The following C2orf81 variants were observed in gnomAD, a reference collection of about 807,000 sequenced individuals.
C2orf81 encodes chromosome 2 open reading frame 81, also known as uncharacterized protein C2orf81.
Under a neutral mutation model 7.9 loss-of-function variants are expected in C2orf81, and 5 were observed. The ratio of observed to expected loss-of-function variants is 0.63; its 90% CI spans 0.33 to 1.33. C2orf81 has a LOEUF of 1.33. Among genes scored for constraint, C2orf81 ranks in the 40% most tolerant of loss-of-function variants. The pLI is 0.05. For missense variants in C2orf81, 781 were observed against 830.4 expected, an observed-to-expected ratio of 0.94 and a Z score of 0.73; for synonymous variants, 346 against 367.4, an observed-to-expected ratio of 0.94 and a Z score of 0.66.
Position 74,414,718 on chromosome 2 carries a change from G to GGT in C2orf81, c.1458_1459insAC (p.Pro487ThrfsTer71). Reference sequence around the variant, plus strand: ...GGGCTGCGGCTGCGGGCCACATCAGGGAGCACCGGGTGTGTGGTGAGGAAG... The same window carrying GGT: ...GGGCTGCGGCTGCGGGCCACATCAGGGTGAGCACCGGGTGTGTGGTGAGGAAG... On this transcript the variant is annotated frameshift_variant, in exon 3 of 3. Coordinates refer to ENST00000684111, the MANE Select transcript of C2orf81 (RefSeq NM_001316764.3). LOFTEE classifies it low-confidence loss of function (END_TRUNC). This position sits in a 1 kb window ranked among gnomAD's most constrained non-coding sequence, Gnocchi z 5.3. 6.5e-7 allele frequency: 1 copy of GGT among 1,546,712 alleles called. No homozygotes were observed. Among genetic ancestry groups the GGT allele is most frequent in the Non-Finnish European group, 8.7e-7 (1 of 1,143,710 alleles).
chr2:74,416,238 G>T lies in C2orf81; in HGVS notation c.22C>A (p.Gln8Lys). Residue 8 changes from glutamine (Q) to lysine (K), a missense_variant, in exon 2 of 3, where the codon CAG becomes AAG. Physicochemically the swap from Gln to Lys is moderately conservative, Grantham distance 53. Coordinates refer to ENST00000684111, the MANE Select transcript of C2orf81 (RefSeq NM_001316764.3). MAHEGSR[Q>K]ERQVRDRGVT... is the part of the protein sequence containing the mutation. ...CCGCGGTCTCGGACCTGCCTCTCCT[G>T]CCTCTGTGAGAACAAAACATGGCAA... is the stretch of plus-strand genomic sequence containing the variant. The T allele has an allele frequency of 7.3e-7, 1 of 1,363,494 alleles. No homozygotes were observed. 84.5% of individuals were successfully genotyped at this position (1,363,494 alleles called of 1,614,324 possible). A position where few individuals can be genotyped will look rare whatever the true frequency, so the allele number is the denominator to read the frequency against.
chr2:74,415,517 G>T lies in C2orf81; in HGVS notation c.660C>A (p.Val220=). 1 of 1,545,512 alleles carries T rather than the reference G, an allele frequency of 6.5e-7. No individual in the cohort carries two copies. The highest frequency in any genetic ancestry group is 1.2e-5 in the South Asian group (1 of 83,982). The change falls in exon 3 of 3, where the codon GTC becomes GTA. Residue 220 remains valine (V), a synonymous_variant. Coordinates refer to ENST00000684111, the MANE Select transcript of C2orf81 (RefSeq NM_001316764.3). This position sits in a 1 kb window ranked among gnomAD's most constrained non-coding sequence, Gnocchi z 5.5. ...CTGATGTGGGAGGAGGGGCCGACGT[G>T]ACTCTCAGCTGCGGAGAAGGCTCCC... The part of the protein sequence containing the change: ...ESWEPSPQLR[V]TSAPPPTSEL...
Position 74,414,372 on chromosome 2 carries a change from A to G in C2orf81, c.1805T>C (p.Val602Ala), listed in dbSNP as rs1266238725. The part of the protein sequence containing the change: ...EDKEGSTFPP[V>A]EQHPIQTGAP... ...ACCTGTCTGGATGGGATGTTGCTCA[A>G]CGGGAGGAAAGGTGCTACCTTCTTT... Residue 602 changes from valine (V) to alanine (A), a missense_variant, in exon 3 of 3, where the codon GTT becomes GCT. Val to Ala is a moderately conservative substitution (Grantham distance 64). Transcript: ENST00000684111. The surrounding 1 kb of genome is among the most constrained non-coding windows in gnomAD (Gnocchi z 5.3). 1 of 1,517,406 alleles carries G rather than the reference A, an allele frequency of 6.6e-7. No individual in the cohort carries two copies. The allele number at this position is 1,517,406 out of a possible 1,614,324, so 94.0% of individuals were successfully genotyped here. A position where few individuals can be genotyped will look rare whatever the true frequency, so the allele number is the denominator to read the frequency against.
rs773631384 is a variant in C2orf81 at position 74,415,607 on chromosome 2, G to GC, written c.569dup (p.Val191ArgfsTer58). 2 of 1,550,944 alleles carry GC rather than the reference G, an allele frequency of 1.3e-6. No individual in the cohort carries two copies. Among genetic ancestry groups the GC allele is most frequent in the South Asian group, 2.4e-5 (2 of 84,064 alleles). ...ACCTTCCTAAAGGGATCCGGTCCAC[G>GC]CCCCCAGGGTCCTGGGGAAATGCAC... On this transcript the variant is annotated frameshift_variant, in exon 3 of 3. Coordinates refer to ENST00000684111, the MANE Select transcript of C2orf81 (RefSeq NM_001316764.3). LOFTEE classifies it low-confidence loss of function (END_TRUNC). This position sits in a 1 kb window ranked among gnomAD's most constrained non-coding sequence, Gnocchi z 5.5.
intron 1 of C2orf81, chr2:74,418,523 G>T: frequency 6.6e-6 from 6 of 906,926 alleles, no homozygotes; most frequent in Middle Eastern, 2.1e-4. Context: ...GCATGCTCCG[G>T]TTTGCCGGGA....
Position 74,415,669 on chromosome 2 carries a change from C to G in C2orf81, c.508G>C (p.Ala170Pro), listed in dbSNP as rs751050317. 5.8e-6 allele frequency: 9 copies of G among 1,551,240 alleles called. No homozygotes were observed. In the African/African-American group the frequency reaches 1.2e-4, roughly 21 times the overall value. The stretch of plus-strand genomic sequence containing the variant: ...GATGTCGGAAAGGGGAGAGCAGGAG[C>G]AATGGCAGAGGAGTCCGGAGAGGCT... Reference protein sequence around the residue: ...SGASPDSSAIAPALPFPTSHC... With the variant: ...SGASPDSSAIPPALPFPTSHC... Residue 170 changes from alanine (A) to proline (P), a missense_variant, in exon 3 of 3, where the codon GCT (alanine) becomes CCT (proline). Coordinates refer to ENST00000684111, the MANE Select transcript of C2orf81 (RefSeq NM_001316764.3). The surrounding 1 kb of genome is among the most constrained non-coding windows in gnomAD (Gnocchi z 5.5).
At chr2:74,417,278 C>A in intron 1 of C2orf81, 2 of 859,216 alleles carry the variant, frequency 2.3e-6, no homozygotes, top group South Asian at 3.1e-5. Flanking sequence ...TTATTGGTGC[C>A]CCATCTGAGG....
chr2:74,414,662 G>T lies in C2orf81; in HGVS notation c.1515C>A (p.Ser505Arg), dbSNP rs978630025. The change falls in exon 3 of 3, where the codon AGC becomes AGA. Residue 505 changes from serine to arginine, a missense_variant. Coordinates refer to ENST00000684111, the MANE Select transcript of C2orf81 (RefSeq NM_001316764.3). The surrounding 1 kb of genome is among the most constrained non-coding windows in gnomAD (Gnocchi z 5.3). ...GCAGCTCGGCCTTCCCCTCCCAACC[G>T]CTGGGCCACCTGACACTGGGCCACA... is the stretch of plus-strand genomic sequence containing the variant. ...PKLWPSVRWP[S>R]GWEGKAELLG... is the part of the protein sequence containing the mutation. 4 of 1,548,516 alleles carry T rather than the reference G, an allele frequency of 2.6e-6. No individual in the cohort carries two copies. Among genetic ancestry groups the T allele is most frequent in the Admixed American group, 3.9e-5 (2 of 50,840 alleles).
chr2:74,414,965 G>T lies in C2orf81; in HGVS notation c.1212C>A (p.Ala404=), dbSNP rs1283979380. ...TCTCGCCCCGCTGGCGTCCGCGGTAGGCTTCCAAGGGGCGTGTTTGAGAGT... is the reference window on the plus strand; with the variant it reads ...TCTCGCCCCGCTGGCGTCCGCGGTATGCTTCCAAGGGGCGTGTTTGAGAGT... The part of the protein sequence containing the change: ...VPDSQTRPLE[A]YRGRQRGEKT... Residue 404 remains alanine (A), a synonymous_variant, in exon 3 of 3, where the codon GCC becomes GCA. Transcript: ENST00000684111. The surrounding 1 kb of genome is among the most constrained non-coding windows in gnomAD (Gnocchi z 5.3). The T allele has an allele frequency of 1.3e-6, 2 of 1,548,130 alleles. No individual in the cohort carries two copies. The highest frequency in any genetic ancestry group is 1.7e-6 in the Non-Finnish European group (2 of 1,145,802).
Position 74,415,369 on chromosome 2 carries a change from C to T in C2orf81, c.808G>A (p.Asp270Asn). 9.2e-6 allele frequency: 14 copies of T among 1,516,592 alleles called. No individual in the cohort carries two copies. The highest frequency in any genetic ancestry group is 1.2e-5 in the South Asian group (1 of 80,532). 93.9% of individuals were successfully genotyped at this position (1,516,592 alleles called of 1,614,324 possible). Residue 270 changes from aspartate to asparagine, a missense_variant, in exon 3 of 3, where the codon GAC (aspartate) becomes AAC (asparagine). Transcript: ENST00000684111. This position sits in a 1 kb window ranked among gnomAD's most constrained non-coding sequence, Gnocchi z 5.5. ...GGATCCAGAGAAGGGTCGGCATCGT[C>T]GGCAGGCGCCTCCTCCACCGACAGT... is the stretch of plus-strand genomic sequence containing the variant. Reference protein sequence around the residue: ...FQLSVEEAPADDADPSLDPYL... With the variant: ...FQLSVEEAPANDADPSLDPYL...
In C2orf81 at chr2:74,415,414, A is replaced by T. The variant is rs1447897995; in HGVS notation, c.763T>A (p.Ser255Thr). The change falls in exon 3 of 3, where the codon TCC becomes ACC. Residue 255 changes from serine to threonine, a missense_variant. Transcript: ENST00000684111. This position sits in a 1 kb window ranked among gnomAD's most constrained non-coding sequence, Gnocchi z 5.5. ...GQSRGLSSAG[S>T]LSASFQLSVE... ...GACAGTTGGAAGCTCGCGCTCAAGG[A>T]CCCGGCCGAGGAGAGGCCTCTAGAC... The T allele has an allele frequency of 1.3e-6, 2 of 1,529,432 alleles. No homozygotes were observed. Among genetic ancestry groups the T allele is most frequent in the African/African-American group, 2.8e-5 (2 of 72,388 alleles). The allele number at this position is 1,529,432 out of a possible 1,614,324, so 94.7% of individuals were successfully genotyped here.
chr2:74,415,599 C>T lies in C2orf81; in HGVS notation c.578G>A (p.Arg193Gln), dbSNP rs550157849. Residue 193 changes from arginine to glutamine, a missense_variant, in exon 3 of 3, where the codon CGG becomes CAG. Transcript: ENST00000684111. This position sits in a 1 kb window ranked among gnomAD's most constrained non-coding sequence, Gnocchi z 5.5. Reference sequence around the variant, plus strand: ...CATCCACGACCTTCCTAAAGGGATCCGGTCCACGCCCCCAGGGTCCTGGGG... The same window carrying T: ...CATCCACGACCTTCCTAAAGGGATCTGGTCCACGCCCCCAGGGTCCTGGGG... ...AFPQDPGGVD[R>Q]IPLGRSWMGR... 1.9e-6 allele frequency: 3 copies of T among 1,551,204 alleles called. No homozygotes were observed. Among genetic ancestry groups the T allele is most frequent in the Admixed American group, 2.0e-5 (1 of 51,016 alleles).
chr2:74,414,219 G>A lies in C2orf81; in HGVS notation c.*110C>T, dbSNP rs1201192004. The A allele has an allele frequency of 8.9e-7, 1 of 1,119,994 alleles. No homozygotes were observed. Among genetic ancestry groups the A allele is most frequent in the East Asian group, 2.8e-5 (1 of 35,472 alleles). 69.4% of individuals were successfully genotyped at this position (1,119,994 alleles called of 1,614,324 possible). A position where few individuals can be genotyped will look rare whatever the true frequency, so the allele number is the denominator to read the frequency against. On this transcript the variant is annotated 3_prime_UTR_variant, in exon 3 of 3. Transcript: ENST00000684111. The surrounding 1 kb of genome is among the most constrained non-coding windows in gnomAD (Gnocchi z 5.3). ...CAGGTGTTTATTTCTGGCTAGCAGA[G>A]GGAGGGACCAGTTACTACTGCCAGA...
intron 1 of C2orf81, chr2:74,418,063 TG>T (rs1335230558): frequency 4.2e-5 from 15 of 358,502 alleles, no homozygotes; most frequent in East Asian, 3.0e-4. Context: ...AGGGAAGGGG[TG>T]GGGGGTGGGA....
In C2orf81 at chr2:74,415,251, T is replaced by C; in HGVS notation, c.926A>G (p.Gln309Arg). 1 of 1,551,292 alleles carries C rather than the reference T, an allele frequency of 6.4e-7. No homozygotes were observed. Among genetic ancestry groups the C allele is most frequent in the South Asian group, 1.2e-5 (1 of 84,066 alleles). The change falls in exon 3 of 3, where the codon CAA becomes CGA. Residue 309 changes from glutamine to arginine, a missense_variant. Physicochemically the swap from Gln to Arg is conservative, Grantham distance 43. Transcript: ENST00000684111. This position sits in a 1 kb window ranked among gnomAD's most constrained non-coding sequence, Gnocchi z 5.5. Reference protein sequence around the residue: ...SLEDLYCCMPQLDAAGDRLEL... With the variant: ...SLEDLYCCMPRLDAAGDRLEL... Reference sequence around the variant, plus strand: ...CAGCCGATCCCCAGCCGCGTCCAGTTGAGGCATGCAACAGTAGAGGTCTTC... The same window carrying C: ...CAGCCGATCCCCAGCCGCGTCCAGTCGAGGCATGCAACAGTAGAGGTCTTC...
chr2:74,420,997 G>T (rs1018861245), intron 1 of C2orf81, among the ~76,000 whole-genome samples: 21 of 151,842 alleles, frequency 1.4e-4, no homozygotes, highest in Non-Finnish European at 2.2e-4. Flanking sequence ...GGCCTGGCTG[G>T]TCTTGAACTC....
chr2:74,421,283 A>T (rs1676606171), intron 1 of C2orf81, among the ~76,000 whole-genome samples: 1 of 151,586 alleles, frequency 6.6e-6, no homozygotes, highest in South Asian at 2.1e-4. Flanking sequence ...TTCAAAATCC[A>T]CTTCCTGTTC....
At chr2:74,417,663 A>G (rs755308959) in intron 1 of C2orf81, 5 of 727,374 alleles carry the variant, frequency 6.9e-6, no homozygotes, top group Non-Finnish European at 1.0e-5. Flanking sequence ...AGGACAGTGG[A>G]GTGGGGTGTG....
At chr2:74,418,259 T>C in intron 1 of C2orf81, 3 of 1,602,000 alleles carry the variant, frequency 1.9e-6, no homozygotes, top group African/African-American at 1.3e-5. Flanking sequence ...TTGCTTCCCT[T>C]TGGTCGGCCC....
Sources: gnomAD v4.1 joint callset for allele counts (sites outside exome capture counted in the v4.1 genomes callset) on GRCh38, gnomAD v4.1.1 for gene constraint, Gnocchi (gnomAD v3.1) non-coding constraint, MANE v1.5 for transcripts, NCBI Gene and HGNC (gene_info 2026-07-23, HGNC 2026-07-21) for gene names.